The following GRM7 variants were observed in gnomAD, a reference collection of about 807,000 sequenced individuals.
GRM7 encodes metabotropic glutamate receptor 7.
GRM7 carries 35 observed loss-of-function variants against 84.5 expected under a neutral mutation model. The ratio of observed to expected loss-of-function variants is 0.41; its 90% confidence interval spans 0.32 to 0.55. The LOEUF (loss-of-function observed/expected upper bound fraction) is 0.55. GRM7 is among the 20% of genes least tolerant of loss of function. GRM7 has a pLI of 0.19. For missense variants in GRM7, 1,003 were observed against 1,194.6 expected, an observed-to-expected ratio of 0.84 and a Z score of 2.36; for synonymous variants, 487 against 455.1, an observed-to-expected ratio of 1.07 and a Z score of -0.89.
intron 7 of GRM7, among the ~76,000 whole-genome samples, chr3:7,523,119 A>G (rs1264402594): frequency 3.3e-5 from 5 of 152,120 alleles, no homozygotes; most frequent in Non-Finnish European, 7.4e-5. Context: ...ATGGTATTTT[A>G]TTACAGCAGG....
intron 2 of GRM7, 89 bp from the exon 3 acceptor site, chr3:7,298,595 T>G (rs916558452): frequency 9.2e-7 from 1 of 1,085,594 alleles, no homozygotes. Context: ...ATATCCGGGA[T>G]TCAGAATCTC....
chr3:7,517,105 G>T (rs1239992463), intron 7 of GRM7, among the ~76,000 whole-genome samples: 1 of 152,092 alleles, frequency 6.6e-6, no homozygotes, highest in Non-Finnish European at 1.5e-5. Flanking sequence ...ATGTTCACGA[G>T]GTAATAAACA....
chr3:7,123,952 A>T (rs1366990168), intron 1 of GRM7, among the ~76,000 whole-genome samples: 2 of 151,944 alleles, frequency 1.3e-5, no homozygotes, highest in Admixed American at 6.6e-5. Flanking sequence ...TTCAAAATAA[A>T]TTTTGTCCTT....
chr3:7,219,724 G>C (rs1225554193), intron 2 of GRM7, among the ~76,000 whole-genome samples: 1 of 152,158 alleles, frequency 6.6e-6, no homozygotes, highest in Non-Finnish European at 1.5e-5. Flanking sequence ...GCCTAAAGCA[G>C]GTATACATCA....
intron 1 of GRM7, among the ~76,000 whole-genome samples, chr3:7,037,642 C>G (rs1006628753): frequency 9.9e-5 from 15 of 152,150 alleles, no homozygotes; most frequent in African/African-American, 3.6e-4. Context: ...TATACCATGT[C>G]TGACTGAAGG....
At chr3:7,500,284 C>G (rs1451400092) in intron 7 of GRM7, among the ~76,000 whole-genome samples, 2 of 152,174 alleles carry the variant, frequency 1.3e-5, no homozygotes, top group African/African-American at 2.4e-5. Context: ...ATTCATATAT[C>G]AACCATCATC....
chr3:7,231,781 C>A (rs551871906), intron 2 of GRM7, among the ~76,000 whole-genome samples: 1 of 152,142 alleles, frequency 6.6e-6, no homozygotes, highest in African/African-American at 2.4e-5. Flanking sequence ...TGGGAAGAGG[C>A]AGAGCTGGGT....
chr3:6,977,889 A>C (rs1389244942), intron 1 of GRM7, among the ~76,000 whole-genome samples: 1 of 152,148 alleles, frequency 6.6e-6, no homozygotes, highest in Admixed American at 6.6e-5. Context: ...GTTTCCCTAA[A>C]AATGAACTGG....
Position 7,741,172 on chromosome 3 carries a change from CAT to C in GRM7, c.*767_*768del, listed in dbSNP as rs1441336161. 3 of 152,362 alleles carry C rather than the reference CAT, an allele frequency of 2.0e-5. No individual in the cohort carries two copies. Among genetic ancestry groups the C allele is most frequent in the Non-Finnish European group, 2.9e-5 (2 of 68,004 alleles). 9.4% of individuals were successfully genotyped at this position (152,362 alleles called of 1,614,324 possible). On this transcript the variant is annotated 3_prime_UTR_variant, in exon 10 of 10. Coordinates refer to ENST00000357716, the MANE Select transcript of GRM7 (RefSeq NM_000844.4). ...CATGCCAGTAATGTATTTTACAGTACATGTTTATTATGTTCAATATTTGTATT... is the reference window on the plus strand; with the variant it reads ...CATGCCAGTAATGTATTTTACAGTACGTTTATTATGTTCAATATTTGTATT...
intron 1 of GRM7, among the ~76,000 whole-genome samples, chr3:6,885,086 A>G (rs780000732): frequency 6.6e-6 from 1 of 152,182 alleles, no homozygotes; most frequent in Non-Finnish European, 1.5e-5. Context: ...AATTTAAGTG[A>G]AGGTTCTATA....
At chr3:7,562,652 T>C (rs979761821) in intron 7 of GRM7, among the ~76,000 whole-genome samples, 3 of 152,124 alleles carry the variant, frequency 2.0e-5, no homozygotes, top group African/African-American at 4.8e-5. Flanking sequence ...TACAGTGTTA[T>C]TGAAAGAATA....
chr3:6,882,485 G>A (rs964378993), intron 1 of GRM7, among the ~76,000 whole-genome samples: 3 of 152,042 alleles, frequency 2.0e-5, no homozygotes, highest in African/African-American at 4.8e-5. Flanking sequence ...GTTCCAGGCT[G>A]CCATGGGCTA....
At chr3:7,321,037 T>C (rs1199637797) in intron 4 of GRM7, among the ~76,000 whole-genome samples, 1 of 151,912 alleles carries the variant, frequency 6.6e-6, no homozygotes. Flanking sequence ...TAGTGCTTTT[T>C]TCCATCTTCT....
At chr3:7,122,078 C>A (rs551537930) in intron 1 of GRM7, among the ~76,000 whole-genome samples, 2 of 152,240 alleles carry the variant, frequency 1.3e-5, no homozygotes, top group South Asian at 2.1e-4. Flanking sequence ...AACTAAGGAC[C>A]AAATAAAATC....
In GRM7 at chr3:7,468,021, C is replaced by T. The variant is rs1293602539; in HGVS notation, c.1515+6299C>T. ...ACAGACACCTAAGACATAAGAAAAG[C>T]AGTTGATTGCCAAAATCTGTTTAAT... On this transcript the variant is annotated intron_variant, in intron 7 of 9. Transcript: ENST00000357716. Among the ~76,000 whole-genome samples the T allele has an allele frequency of 2.0e-5, 3 of 152,284 alleles. No homozygotes were observed. The East Asian group carries it at 5.8e-4, about 29-fold the overall frequency.
At chr3:7,198,664 G>T (rs1005320497) in intron 2 of GRM7, among the ~76,000 whole-genome samples, 5 of 152,106 alleles carry the variant, frequency 3.3e-5, no homozygotes, top group African/African-American at 1.2e-4. Context: ...AAAGCCTATT[G>T]TATAATAAGG....
chr3:7,140,356 A>G (rs963329969), intron 1 of GRM7, among the ~76,000 whole-genome samples: 4 of 151,852 alleles, frequency 2.6e-5, no homozygotes, highest in African/African-American at 4.8e-5. Flanking sequence ...GAGGAAAAAC[A>G]TGTTATAAAG....
At chr3:7,038,172 T>C (rs1389463949) in intron 1 of GRM7, among the ~76,000 whole-genome samples, 3 of 152,184 alleles carry the variant, frequency 2.0e-5, no homozygotes, top group African/African-American at 7.2e-5. Flanking sequence ...CCTAGTACCC[T>C]TACAACATGA....
At chr3:7,111,119 G>T (rs1033001592) in intron 1 of GRM7, among the ~76,000 whole-genome samples, 2 of 152,116 alleles carry the variant, frequency 1.3e-5, no homozygotes, top group African/African-American at 4.8e-5. Context: ...AAACCCTGAA[G>T]CAGGAAGTGA....
Sources: allele counts gnomAD v4.1 joint callset (sites outside exome capture counted in the v4.1 genomes callset), GRCh38; gene constraint gnomAD v4.1.1; transcripts MANE v1.5; gene names NCBI Gene and HGNC (gene_info 2026-07-23, HGNC 2026-07-21).